RPA1: variants seen among roughly 807,000 people sequenced by gnomAD.
RPA1 encodes replication protein A1.
In RPA1, 49 loss-of-function variants were observed where a neutral mutation model predicts 83.0. That is an observed-to-expected ratio of 0.59 (90% confidence interval 0.47 to 0.75). The LOEUF (loss-of-function observed/expected upper bound fraction) is 0.75. Among genes scored for constraint, RPA1 ranks in the 30% least tolerant of loss-of-function variants. The pLI is 0.00. For missense variants in RPA1, 693 were observed against 776.1 expected (o/e 0.89, Z 1.27); for synonymous variants, 279 against 281.8 (o/e 0.99, Z 0.10).
intron 5 of RPA1, among the ~76,000 whole-genome samples, chr17:1,860,580 T>G (rs975247313): frequency 6.6e-6 from 1 of 152,228 alleles, no homozygotes; most frequent in African/African-American, 2.4e-5. Flanking sequence ...AGCTTGATTT[T>G]GGGTCTTTAA....
intron 4 of RPA1, among the ~76,000 whole-genome samples, chr17:1,845,544 T>C (rs551934711): frequency 2.0e-5 from 3 of 152,028 alleles, no homozygotes; most frequent in African/African-American, 7.2e-5. Context: ...TCTAAAAAAA[T>C]AAATTTAAAA....
At chr17:1,841,331 C>G (rs566791465) in intron 1 of RPA1, among the ~76,000 whole-genome samples, 1 of 152,152 alleles carries the variant, frequency 6.6e-6, no homozygotes, top group Non-Finnish European at 1.5e-5. Context: ...TGAGAGGGAG[C>G]CTCACTCTGT....
intron 12 of RPA1, among the ~76,000 whole-genome samples, chr17:1,883,179 G>A (rs1260096661): frequency 2.0e-5 from 3 of 152,020 alleles, no homozygotes; most frequent in South Asian, 2.1e-4. Context: ...TTTTCGAGAC[G>A]GAGTTTCGGT....
chr17:1,831,533 C>T (rs1911583987), intron 1 of RPA1, among the ~76,000 whole-genome samples: 1 of 151,890 alleles, frequency 6.6e-6, no homozygotes, highest in African/African-American at 2.4e-5. Flanking sequence ...GTCACCCCCA[C>T]ATTTTTTTTT....
chr17:1,882,886 T>G (rs1567824138), intron 12 of RPA1, among the ~76,000 whole-genome samples: 1 of 152,210 alleles, frequency 6.6e-6, no homozygotes, highest in Non-Finnish European at 1.5e-5. Flanking sequence ...GTTTCTGATT[T>G]TAGGCCTGGG....
chr17:1,885,656 C>G (rs1444522778), intron 13 of RPA1, among the ~76,000 whole-genome samples: 1 of 152,074 alleles, frequency 6.6e-6, no homozygotes, highest in Non-Finnish European at 1.5e-5. Flanking sequence ...CCAGGCTGCT[C>G]TCAAACTCCT....
intron 8 of RPA1, among the ~76,000 whole-genome samples, chr17:1,878,705 C>T (rs1046667343): frequency 5.3e-5 from 8 of 152,120 alleles, no homozygotes; most frequent in Admixed American, 2.0e-4. Flanking sequence ...TCGTCATTGC[C>T]GTTTTGTTCT....
At chr17:1,877,422 T>A (rs941755265) in intron 8 of RPA1, 108 bp downstream of exon 8, 1 of 935,240 alleles carries the variant, frequency 1.1e-6, no homozygotes, top group African/African-American at 1.6e-5. Context: ...GGCTCAGCTC[T>A]GCGGAGGGCA....
At chr17:1,887,803 C>T (rs567753603) in intron 13 of RPA1, among the ~76,000 whole-genome samples, 272 of 152,038 alleles carry the variant, frequency 1.8e-3, no homozygotes, top group Non-Finnish European at 3.1e-3. Flanking sequence ...GCAGGAGAAT[C>T]ACTTGAACCT....
intron 4 of RPA1, among the ~76,000 whole-genome samples, chr17:1,847,199 A>C (rs1912294055): frequency 6.6e-6 from 1 of 152,190 alleles, no homozygotes; most frequent in Non-Finnish European, 1.5e-5. Flanking sequence ...TAATGTGGAC[A>C]GTCCTGTCCA....
intron 16 of RPA1, among the ~76,000 whole-genome samples, chr17:1,896,633 G>A (rs145269817): frequency 1.1e-4 from 17 of 152,220 alleles, no homozygotes; most frequent in East Asian, 1.9e-4. Flanking sequence ...GGACAGACTC[G>A]GTCCTCTCCC....
rs71150823 is a variant in RPA1 at position 1,846,311 on chromosome 17, CTTTTTTTTTTTT to C, written c.272+1637_272+1648del. Among the ~76,000 whole-genome samples, 4 of 75,802 alleles carry C rather than the reference CTTTTTTTTTTTT, an allele frequency of 5.3e-5. No individual in the cohort carries two copies. The South Asian group carries it at 1.8e-3, about 34-fold the overall frequency. 49.7% of individuals were successfully genotyped at this position (75,802 alleles called of 152,430 possible). ...ATTTCTTCCCTTGTAGGAAGCTTTG[CTTTTTTTTTTTT>C]TTTTTTTTTTTCTCCTGAGGCCTCA... On this transcript the variant is annotated intron_variant, in intron 4 of 16. Transcript: ENST00000254719.
rs1404857071 is a variant in RPA1, at chr17:1,858,189, G to A, written c.361+5000G>A. On this transcript the variant is annotated intron_variant, in intron 5 of 16. Coordinates refer to ENST00000254719, the MANE Select transcript of RPA1 (RefSeq NM_002945.5). The stretch of plus-strand genomic sequence containing the variant: ...AGGTATGATACATGAGAGGGAAGAC[G>A]AGTGCAAACTTAGCTGTGTGGATCA... 37 of 1,613,866 alleles carry A rather than the reference G, an allele frequency of 2.3e-5. No individual in the cohort carries two copies. The South Asian group carries it at 3.4e-4, about 15-fold the overall frequency.
intron 4 of RPA1, among the ~76,000 whole-genome samples, chr17:1,852,258 A>T (rs1912523091): frequency 6.6e-6 from 1 of 152,216 alleles, no homozygotes; most frequent in African/African-American, 2.4e-5. Flanking sequence ...AGAATAATAA[A>T]ATAATCACTA....
intron 5 of RPA1, among the ~76,000 whole-genome samples, chr17:1,859,215 T>C (rs1459617588): frequency 6.6e-6 from 1 of 152,222 alleles, no homozygotes; most frequent in African/African-American, 2.4e-5. Flanking sequence ...GAGTCTTATT[T>C]TATGTCCAGA....
intron 12 of RPA1, among the ~76,000 whole-genome samples, chr17:1,882,248 C>T (rs1424940721): frequency 6.6e-6 from 1 of 152,056 alleles, no homozygotes; most frequent in Admixed American, 6.5e-5. Flanking sequence ...AATCAGTTTT[C>T]ATAATAATTT....
At chr17:1,832,842 C>T (rs1214997742) in intron 1 of RPA1, among the ~76,000 whole-genome samples, 3 of 152,154 alleles carry the variant, frequency 2.0e-5, no homozygotes, top group East Asian at 3.8e-4. Flanking sequence ...AGTAAATGCT[C>T]AGTGTTTATG....
chr17:1,900,060 C>A lies in RPA1; in HGVS notation c.*2885C>A, dbSNP rs935552005. 6.6e-6 allele frequency: 1 copy of A among 152,126 alleles called. No individual in the cohort carries two copies. Among genetic ancestry groups the A allele is most frequent in the Non-Finnish European group, 1.5e-5 (1 of 68,020 alleles). 9.4% of individuals were successfully genotyped at this position (152,126 alleles called of 1,614,324 possible). A position where few individuals can be genotyped will look rare whatever the true frequency, so the allele number is the denominator to read the frequency against. ...TTTAATTTTCACTTATTCAAAAAAA[C>A]TGGTATTTTTGTTATTAAGACATTA... On this transcript the variant is annotated 3_prime_UTR_variant, in exon 17 of 17. Coordinates refer to ENST00000254719, the MANE Select transcript of RPA1 (RefSeq NM_002945.5).
Position 1,897,184 on chromosome 17 carries a change from G to C in RPA1, c.*9G>C, listed in dbSNP as rs1228983635. 10 of 1,541,510 alleles carry C rather than the reference G, an allele frequency of 6.5e-6. No individual in the cohort carries two copies. Among genetic ancestry groups the C allele is most frequent in the Non-Finnish European group, 8.8e-6 (10 of 1,140,056 alleles). On this transcript the variant is annotated 3_prime_UTR_variant, in exon 17 of 17. Transcript: ENST00000254719. Reference sequence around the variant, plus strand: ...GAAGTGCATTGATGTGAGAGGAGCAGTGCCAATCGGGCAGAAGTTTGCAAA... The same window carrying C: ...GAAGTGCATTGATGTGAGAGGAGCACTGCCAATCGGGCAGAAGTTTGCAAA...
Sources: allele counts gnomAD v4.1 joint callset (sites outside exome capture counted in the v4.1 genomes callset), GRCh38; gene constraint gnomAD v4.1.1; transcripts MANE v1.5; gene names NCBI Gene and HGNC (gene_info 2026-07-23, HGNC 2026-07-21).